The following COG5 variants were observed in gnomAD, a reference collection of about 807,000 sequenced individuals.
COG5 encodes component of oligomeric golgi complex 5.
In COG5, 86 loss-of-function variants were observed where a neutral mutation model predicts 110.4. That is an observed-to-expected ratio of 0.78 (90% CI 0.65 to 0.93). COG5 has a LOEUF of 0.93. Among genes scored for constraint, COG5 ranks in the 40% least tolerant of loss-of-function variants. The pLI is 0.00. For synonymous variants in COG5, 360 were observed against 334.6 expected, an observed-to-expected ratio of 1.08 and a Z score of -0.83; for missense variants, 1,077 against 987.0, an observed-to-expected ratio of 1.09 and a Z score of -1.22.
chr7:107,245,020 C>A (rs1289356295), intron 17 of COG5, among the ~76,000 whole-genome samples: 2 of 151,938 alleles, frequency 1.3e-5, no homozygotes, highest in African/African-American at 4.8e-5. Context: ...TCAGGCCAAT[C>A]GAGTAGGCTT....
chr7:107,501,062 A>G (rs1433291005), intron 6 of COG5, among the ~76,000 whole-genome samples: 1 of 152,114 alleles, frequency 6.6e-6, no homozygotes, highest in Non-Finnish European at 1.5e-5. Context: ...AATGAAAAGT[A>G]GAACAACCCA....
At chr7:107,343,407 A>G (rs982035301) in intron 10 of COG5, among the ~76,000 whole-genome samples, 1 of 152,210 alleles carries the variant, frequency 6.6e-6, no homozygotes, top group African/African-American at 2.4e-5. Context: ...AAGGCCAGGC[A>G]TAGTGGTTCA....
In COG5 at chr7:107,520,995, G is replaced by A. The variant is rs144367733; in HGVS notation, c.538+6242C>T. Among the ~76,000 whole-genome samples the A allele has an allele frequency of 6.3e-3, 965 of 152,122 alleles. 4 individuals carry two copies. Among genetic ancestry groups the A allele is most frequent in the Non-Finnish European group, 8.0e-3 (541 of 67,968 alleles). ...AGACCTCAGAAATAACACTACACATGTACAACCAGCTGATCTTCAACAAAT... is the reference window on the plus strand; with the variant it reads ...AGACCTCAGAAATAACACTACACATATACAACCAGCTGATCTTCAACAAAT... On this transcript the variant is annotated intron_variant, in intron 6 of 21. Transcript: ENST00000297135.
At chr7:107,447,415 C>T (rs1368133593) in intron 6 of COG5, among the ~76,000 whole-genome samples, 6 of 152,058 alleles carry the variant, frequency 3.9e-5, no homozygotes, top group Non-Finnish European at 8.8e-5. Flanking sequence ...CTTTAGGGGG[C>T]TATTATTCTT....
At chr7:107,295,102 T>TATATATATATA (rs1491246038) in intron 12 of COG5, among the ~76,000 whole-genome samples, 7 of 39,826 alleles carry the variant, frequency 1.8e-4, no homozygotes, top group African/African-American at 3.5e-4. Flanking sequence ...TATATATATA[T>TATATATATATA]TTTTTTTTTT....
At chr7:107,209,196 C>G (rs956226166) in intron 21 of COG5, 14 of 985,366 alleles carry the variant, frequency 1.4e-5, no homozygotes, top group Non-Finnish European at 1.7e-5. Flanking sequence ...GAATTGGGAT[C>G]CCCTGGGAGA....
At chr7:107,450,984 G>A (rs1340581640) in intron 6 of COG5, among the ~76,000 whole-genome samples, 1 of 152,114 alleles carries the variant, frequency 6.6e-6, no homozygotes, top group Non-Finnish European at 1.5e-5. Context: ...GGTGTGATAA[G>A]GACCTTTAAG....
At chr7:107,493,975 C>T (rs547632678) in intron 6 of COG5, among the ~76,000 whole-genome samples, 51 of 152,170 alleles carry the variant, frequency 3.4e-4, no homozygotes, top group African/African-American at 1.2e-3. Context: ...AAAATTTCCA[C>T]AAGACATGTC....
rs767216002 is a variant in COG5, at chr7:107,256,710, G to A, written c.1749+22C>T. 3.2e-6 allele frequency: 5 copies of A among 1,546,792 alleles called. No individual in the cohort carries two copies. The Admixed American group carries it at 8.4e-5, about 26-fold the overall frequency. ...TCCTAAAACCACTTTGATCTATAGA[G>A]TCAAAGATTAAATTCTTTTACCTTT... On this transcript the variant is annotated intron_variant, in intron 16 of 21. Coordinates refer to ENST00000297135, the MANE Select transcript of COG5 (RefSeq NM_006348.5).
At chr7:107,430,092 G>A (rs1046868520) in intron 6 of COG5, among the ~76,000 whole-genome samples, 4 of 152,058 alleles carry the variant, frequency 2.6e-5, no homozygotes, top group African/African-American at 9.7e-5. Flanking sequence ...CCTTTAATGT[G>A]CAAAAGTTTT....
chr7:107,355,657 A>T (rs1289018679), intron 10 of COG5, among the ~76,000 whole-genome samples: 1 of 152,246 alleles, frequency 6.6e-6, no homozygotes, highest in Non-Finnish European at 1.5e-5. Flanking sequence ...TGCTAAGTGG[A>T]AGAAGGCATT....
At chr7:107,312,050 G>A (rs1808318856) in intron 11 of COG5, among the ~76,000 whole-genome samples, 1 of 151,674 alleles carries the variant, frequency 6.6e-6, no homozygotes, top group South Asian at 2.1e-4. Flanking sequence ...ACCCATCCTA[G>A]CTTCCCATCC....
Position 107,283,251 on chromosome 7 carries a change from C to T in COG5, c.1475+320G>A, listed in dbSNP as rs3801961. 1.2e-3 allele frequency among the ~76,000 whole-genome samples: 179 copies of T among 152,130 alleles called. 2 individuals are homozygous for T. In the East Asian group the frequency reaches 0.026, roughly 22 times the overall value. ...GTTTTAGTTTCTCAATTTATAAAATCGTTTATTATATTTGATTTCTTGTGT... is the reference window on the plus strand; with the variant it reads ...GTTTTAGTTTCTCAATTTATAAAATTGTTTATTATATTTGATTTCTTGTGT... On this transcript the variant is annotated intron_variant, in intron 13 of 21. Transcript: ENST00000297135.
At chr7:107,437,290 T>C (rs914341917) in intron 6 of COG5, among the ~76,000 whole-genome samples, 2 of 152,280 alleles carry the variant, frequency 1.3e-5, no homozygotes, top group East Asian at 1.9e-4. Flanking sequence ...AAATGGTGAA[T>C]AGCTAGCCCC....
intron 6 of COG5, among the ~76,000 whole-genome samples, chr7:107,478,755 A>C (rs7786186): frequency 6.6e-6 from 1 of 151,610 alleles, no homozygotes; most frequent in Non-Finnish European, 1.5e-5. Context: ...AGGGGGGAAC[A>C]AATGTGTAGC....
chr7:107,541,654 C>T (rs545852340), intron 5 of COG5, among the ~76,000 whole-genome samples: 10 of 149,506 alleles, frequency 6.7e-5, no homozygotes, highest in East Asian at 2.0e-4. Context: ...AACTATAGGC[C>T]GGGGATGGTG....
intron 6 of COG5, among the ~76,000 whole-genome samples, chr7:107,457,582 C>G (rs770293301): frequency 4.6e-5 from 7 of 152,066 alleles, no homozygotes; most frequent in African/African-American, 1.7e-4. Context: ...GTGCCCGCCA[C>G]CATGCCCGGC....
At chr7:107,237,970 T>C (rs1372486091) in intron 17 of COG5, among the ~76,000 whole-genome samples, 1 of 152,180 alleles carries the variant, frequency 6.6e-6, no homozygotes, top group African/African-American at 2.4e-5. Flanking sequence ...TGCCAATCTA[T>C]TTCATTTTTT....
chr7:107,257,659 T>C lies in COG5; in HGVS notation c.1686+614A>G, dbSNP rs535027832. On this transcript the variant is annotated intron_variant, in intron 15 of 21. Transcript: ENST00000297135. ...GCACAAGCTACTCCAGAGTCACAGA[T>C]GGACTTGAAAGTGTTGCTTTTTTAG... is the stretch of plus-strand genomic sequence containing the variant. Among the ~76,000 whole-genome samples the C allele has an allele frequency of 1.4e-4, 21 of 152,252 alleles. No individual in the cohort carries two copies. In the East Asian group the frequency reaches 4.1e-3, roughly 29 times the overall value.
Sources: gnomAD v4.1 joint callset for allele counts (sites outside exome capture counted in the v4.1 genomes callset) on GRCh38, gnomAD v4.1.1 for gene constraint, MANE v1.5 for transcripts, NCBI Gene and HGNC (gene_info 2026-07-23, HGNC 2026-07-21) for gene names.